Variants in ESRRB observed in about 807,000 individuals in gnomAD.
ESRRB encodes estrogen related receptor beta, also known as steroid hormone receptor ERR2.
A neutral mutation model predicts 46.0 loss-of-function variants in ESRRB; 16 were observed. That is an observed-to-expected ratio of 0.35 (90% confidence interval 0.24 to 0.53). ESRRB has a LOEUF of 0.53. ESRRB is among the 20% of genes least tolerant of loss of function. The pLI is 0.93. For missense variants in ESRRB, 488 were observed against 607.4 expected (o/e 0.80, Z 2.07); for synonymous variants, 246 against 259.6 (o/e 0.95, Z 0.50).
At chr14:76,358,294 G>A (rs75835900) in intron 1 of ESRRB, among the ~76,000 whole-genome samples, 6 of 127,272 alleles carry the variant, frequency 4.7e-5, no homozygotes, top group Admixed American at 8.9e-5. Context: ...CCTGGGATAC[G>A]GAGCAAGACT....
chr14:76,339,912 G>A (rs1884171927), intron 1 of ESRRB, among the ~76,000 whole-genome samples: 1 of 152,308 alleles, frequency 6.6e-6, no homozygotes, highest in Non-Finnish European at 1.5e-5. Flanking sequence ...CATAATGAAG[G>A]GGCTGAGTGC....
chr14:76,480,110 C>T (rs1009017355), intron 3 of ESRRB, among the ~76,000 whole-genome samples: 26 of 152,146 alleles, frequency 1.7e-4, no homozygotes, highest in Non-Finnish European at 3.4e-4. Flanking sequence ...TCAAGGGCTA[C>T]GGCCTCCCAA....
intron 1 of ESRRB, among the ~76,000 whole-genome samples, chr14:76,357,970 A>G (rs1324906204): frequency 2.0e-5 from 3 of 152,096 alleles, no homozygotes; most frequent in Non-Finnish European, 4.4e-5. Context: ...TAGGATAGTA[A>G]CTTTCTTTAA....
intron 1 of ESRRB, among the ~76,000 whole-genome samples, chr14:76,389,553 G>C (rs1217903589): frequency 6.6e-6 from 1 of 152,176 alleles, no homozygotes; most frequent in African/African-American, 2.4e-5. Flanking sequence ...TTTTGCCCTG[G>C]TTGAGCCATG....
chr14:76,489,327 C>G (rs1468151801), intron 5 of ESRRB, among the ~76,000 whole-genome samples: 1 of 152,056 alleles, frequency 6.6e-6, no homozygotes, highest in African/African-American at 2.4e-5. Context: ...CTCTCTCCTA[C>G]TCAAAGACCT....
intron 1 of ESRRB, among the ~76,000 whole-genome samples, chr14:76,311,259 GTT>G (rs894035998): frequency 1.6e-4 from 24 of 152,324 alleles, no homozygotes; most frequent in African/African-American, 5.8e-4. Flanking sequence ...GCAAGGGAAA[GTT>G]TACATGCAGC....
At position 76,498,647 on chromosome 14, in the gene ESRRB, G is replaced by T. The variant is rs1284417334; in HGVS notation, c.*189G>T. The T allele has an allele frequency of 7.7e-6, 9 of 1,163,770 alleles. No individual in the cohort carries two copies. The highest frequency in any genetic ancestry group is 4.6e-5 in the African/African-American group (3 of 64,558). 72.1% of individuals were successfully genotyped at this position (1,163,770 alleles called of 1,614,324 possible). A position where few individuals can be genotyped will look rare whatever the true frequency, so the allele number is the denominator to read the frequency against. Reference sequence around the variant, plus strand: ...GTGCAGTGGGGTGGGGGACGGGGATGGGGGGGCAGGGGTGTGGGGCTCGAC... The same window carrying T: ...GTGCAGTGGGGTGGGGGACGGGGATTGGGGGGCAGGGGTGTGGGGCTCGAC... On this transcript the variant is annotated 3_prime_UTR_variant, in exon 7 of 7. Coordinates refer to ENST00000644823, the MANE Select transcript of ESRRB (RefSeq NM_001379180.1).
chr14:76,382,216 G>A (rs1885042910), intron 1 of ESRRB, among the ~76,000 whole-genome samples: 1 of 152,210 alleles, frequency 6.6e-6, no homozygotes, highest in Non-Finnish European at 1.5e-5. Flanking sequence ...ACAGTGGACA[G>A]GGGTCTCTGC....
chr14:76,469,944 C>CTTTTTTTTTTTTTTTTTTT (rs1178018542), intron 3 of ESRRB, among the ~76,000 whole-genome samples: 34 of 73,072 alleles, frequency 4.7e-4, no homozygotes, highest in Non-Finnish European at 5.8e-4. Flanking sequence ...TTTTTTTTTT[C>CTTTTTTTTTTTTTTTTTTT]TTTTTTTTTT....
At position 76,498,338 on chromosome 14, in the gene ESRRB, G is replaced by C. The variant is rs1456658955; in HGVS notation, c.1245G>C (p.Leu415=). Residue 415 remains leucine (L), a synonymous_variant, in exon 7 of 7, where the codon CTG becomes CTC. Transcript: ENST00000644823. ...CCTGGAGGACGGGCAAGCTGCTGCT[G>C]ACACTGCCGCTGCTGCGGCAGACGG... The part of the protein sequence containing the change: ...EEPWRTGKLL[L]TLPLLRQTAA... 6.2e-7 allele frequency: 1 copy of C among 1,609,162 alleles called. No individual in the cohort carries two copies. The highest frequency in any genetic ancestry group is 1.7e-5 in the Admixed American group (1 of 59,798).
chr14:76,398,562 G>C (rs1045846216), intron 1 of ESRRB, among the ~76,000 whole-genome samples: 1 of 152,124 alleles, frequency 6.6e-6, no homozygotes, highest in East Asian at 1.9e-4. Flanking sequence ...TTCTTGGCAG[G>C]GTGCAGTGGG....
At chr14:76,371,016 G>A (rs541357551), upstream of ESRRB, among the ~76,000 whole-genome samples, 4 of 152,172 alleles carry the variant, frequency 2.6e-5, no homozygotes, top group Non-Finnish European at 5.9e-5. Context: ...AATGGATGAC[G>A]CCAGTGGTGG....
chr14:76,313,781 A>G (rs1054808182), intron 1 of ESRRB, among the ~76,000 whole-genome samples: 27 of 151,900 alleles, frequency 1.8e-4, no homozygotes, highest in Admixed American at 1.8e-3. Context: ...TTTACATTTC[A>G]TTATCCTCCC....
At chr14:76,481,955 G>T in intron 3 of ESRRB, 61 bp from the exon 4 acceptor site, 8 of 1,509,520 alleles carry the variant, frequency 5.3e-6, no homozygotes, top group Non-Finnish European at 6.4e-6. Context: ...TCCAAAGTCA[G>T]TGCTTCTACC....
At chr14:76,401,594 C>T (rs183652045) in intron 1 of ESRRB, among the ~76,000 whole-genome samples, 1 of 152,314 alleles carries the variant, frequency 6.6e-6, no homozygotes, top group Admixed American at 6.5e-5. Flanking sequence ...GCATTTTTTA[C>T]ACCTTTTCTT....
chr14:76,447,468 T>C (rs1394848569), intron 2 of ESRRB, among the ~76,000 whole-genome samples: 1 of 152,116 alleles, frequency 6.6e-6, no homozygotes, highest in Non-Finnish European at 1.5e-5. Flanking sequence ...GTCTCTGAAA[T>C]CAGGATGAAT....
intron 1 of ESRRB, among the ~76,000 whole-genome samples, chr14:76,328,772 T>C (rs1883968118): frequency 6.6e-6 from 1 of 152,120 alleles, no homozygotes; most frequent in Non-Finnish European, 1.5e-5. Context: ...TCATCTCCCC[T>C]GCTCTGGTCC....
At chr14:76,313,326 T>TC (rs914390798) in intron 1 of ESRRB, among the ~76,000 whole-genome samples, 1 of 152,026 alleles carries the variant, frequency 6.6e-6, no homozygotes, top group Non-Finnish European at 1.5e-5. Flanking sequence ...ATTTTTTTTT[T>TC]CAAACTGATT....
intron 3 of ESRRB, among the ~76,000 whole-genome samples, chr14:76,464,874 C>G (rs902365885): frequency 2.0e-5 from 3 of 152,106 alleles, no homozygotes; most frequent in African/African-American, 7.2e-5. Flanking sequence ...TGCCTGAGTG[C>G]TGGTCTCTTG....
Sources: gnomAD v4.1 joint callset for allele counts (sites outside exome capture counted in the v4.1 genomes callset) on GRCh38, gnomAD v4.1.1 for gene constraint, MANE v1.5 for transcripts, NCBI Gene and HGNC (gene_info 2026-07-23, HGNC 2026-07-21) for gene names.